The following NECTIN2 variants were observed in gnomAD, a reference collection of about 807,000 sequenced individuals.
NECTIN2 encodes the protein nectin cell adhesion molecule 2.
A neutral mutation model predicts 56.9 loss-of-function variants in NECTIN2; 23 were observed. That is an observed-to-expected ratio of 0.40 (90% CI 0.29 to 0.57). The LOEUF (loss-of-function observed/expected upper bound fraction) is 0.57, where lower values mean the gene tolerates loss of function less well. Ranked by LOEUF, NECTIN2 falls within the 20% of genes least tolerant of loss-of-function variation. The pLI, the probability that NECTIN2 is intolerant of heterozygous loss-of-function variation, is 0.38. For missense variants in NECTIN2, 587 were observed against 718.3 expected (o/e 0.82, Z 2.09); for synonymous variants, 302 against 313.8 (o/e 0.96, Z 0.40).
chr19:44,878,555 C>T, intron 5 of NECTIN2: 1 of 1,613,890 alleles, frequency 6.2e-7, no homozygotes, highest in Non-Finnish European at 8.5e-7. Context: ...ACCCCCAGCA[C>T]TCGAGGATGA....
Position 44,846,503 on chromosome 19 carries a change from C to T in NECTIN2, c.-23C>T. ...AGTGGCCCGCGGGCCTCCGGCCGGG[C>T]CCAGTCCCCTCCCGGGCCCTCCATG... is the stretch of plus-strand genomic sequence containing the variant. On this transcript the variant is annotated 5_prime_UTR_variant, in exon 1 of 9. Transcript: ENST00000252483. 1.4e-6 allele frequency: 2 copies of T among 1,477,822 alleles called. No individual in the cohort carries two copies. The highest frequency in any genetic ancestry group is 1.8e-6 in the Non-Finnish European group (2 of 1,122,812). The allele number at this position is 1,477,822 out of a possible 1,614,324, so 91.5% of individuals were successfully genotyped here. A position where few individuals can be genotyped will look rare whatever the true frequency, so the allele number is the denominator to read the frequency against.
chr19:44,874,084 G>T lies in NECTIN2; in HGVS notation c.893+51G>T, dbSNP rs767511258. 2.7e-6 allele frequency: 4 copies of T among 1,462,692 alleles called. No homozygotes were observed. The highest frequency in any genetic ancestry group is 2.8e-6 in the Non-Finnish European group (3 of 1,055,046). The allele number at this position is 1,462,692 out of a possible 1,614,324, so 90.6% of individuals were successfully genotyped here. A position where few individuals can be genotyped will look rare whatever the true frequency, so the allele number is the denominator to read the frequency against. On this transcript the variant is annotated intron_variant, in intron 4 of 8. Transcript: ENST00000252483. This position sits in a 1 kb window ranked among gnomAD's most constrained non-coding sequence, Gnocchi z 6.3. ...GGGTCTGAGGGAGGCGGGGCTGGGG[G>T]CCTGGACTCCTGGATCTAAGGGAGG...
intron 2 of NECTIN2, among the ~76,000 whole-genome samples, chr19:44,869,592 C>CAAAAAAA (rs774822564): frequency 1.9e-4 from 10 of 53,738 alleles, no homozygotes; most frequent in East Asian, 7.2e-4. Context: ...GACTCCATCT[C>CAAAAAAA]AAAAAAAAAA....
chr19:44,881,709 G>C (rs943528309), intron 5 of NECTIN2, among the ~76,000 whole-genome samples: 1 of 152,044 alleles, frequency 6.6e-6, no homozygotes, highest in African/African-American at 2.4e-5. Context: ...AGCCCCACAA[G>C]CCTCCTGCAG....
intron 5 of NECTIN2, among the ~76,000 whole-genome samples, chr19:44,877,715 C>A (rs1969255937): frequency 2.0e-5 from 3 of 152,202 alleles, no homozygotes. Flanking sequence ...TTTGTGAGGA[C>A]CCCACAGCAC....
chr19:44,868,321 A>G (rs572269099), intron 2 of NECTIN2, among the ~76,000 whole-genome samples: 3 of 146,832 alleles, frequency 2.0e-5, no homozygotes, highest in Non-Finnish European at 4.5e-5. Flanking sequence ...CCAAGATTGC[A>G]CCACTGCACT....
At chr19:44,860,631 T>C (rs1244888933) in intron 1 of NECTIN2, among the ~76,000 whole-genome samples, 2 of 151,738 alleles carry the variant, frequency 1.3e-5, no homozygotes, top group Non-Finnish European at 2.9e-5. Context: ...ATATATATTG[T>C]TTTTTCTTTT....
intron 7 of NECTIN2, 52 bp downstream of exon 7, chr19:44,886,052 G>C (rs576576293): frequency 3.8e-6 from 6 of 1,570,072 alleles, no homozygotes; most frequent in Non-Finnish European, 4.4e-6. Context: ...ACCCACCCCA[G>C]GGCTGGGAGG....
At chr19:44,883,061 G>A (rs985302651) in intron 6 of NECTIN2, among the ~76,000 whole-genome samples, 19 of 152,032 alleles carry the variant, frequency 1.2e-4, no homozygotes, top group Admixed American at 6.6e-5. Flanking sequence ...GATTACAGGC[G>A]TGAGCCACCA....
At position 44,875,323 on chromosome 19, in the gene NECTIN2, T is replaced by G. The variant is rs186890667; in HGVS notation, c.1042+845T>G. Among the ~76,000 whole-genome samples, 742 of 151,590 alleles carry G rather than the reference T, an allele frequency of 4.9e-3. 4 individuals carry two copies. Among genetic ancestry groups the G allele is most frequent in the Non-Finnish European group, 7.4e-3 (506 of 67,932 alleles). Reference sequence around the variant, plus strand: ...CTCTGTCGCCCAGGCTGAAGTGTAGTGGCGCAATCTCAGCTCACCGCAACC... The same window carrying G: ...CTCTGTCGCCCAGGCTGAAGTGTAGGGGCGCAATCTCAGCTCACCGCAACC... On this transcript the variant is annotated intron_variant, in intron 5 of 8. Coordinates refer to ENST00000252483, the MANE Select transcript of NECTIN2 (RefSeq NM_001042724.2). This position sits in a 1 kb window ranked among gnomAD's most constrained non-coding sequence, Gnocchi z 4.2.
intron 2 of NECTIN2, among the ~76,000 whole-genome samples, chr19:44,867,936 G>C (rs573350311): frequency 5.9e-5 from 9 of 152,110 alleles, no homozygotes; most frequent in Non-Finnish European, 1.2e-4. Context: ...TGGGACGAGA[G>C]GGGAGAAGAG....
intron 1 of NECTIN2, among the ~76,000 whole-genome samples, chr19:44,847,831 T>G (rs558460660): frequency 6.6e-6 from 1 of 152,016 alleles, no homozygotes; most frequent in African/African-American, 2.4e-5. Flanking sequence ...GGTGGACGAG[T>G]GGAGCCGCCG....
chr19:44,850,539 G>A (rs1445699010), intron 1 of NECTIN2, among the ~76,000 whole-genome samples: 1 of 152,034 alleles, frequency 6.6e-6, no homozygotes, highest in African/African-American at 2.4e-5. Context: ...CAGCTACTTG[G>A]AAGGCTGAAG....
At chr19:44,853,204 AT>A (rs894776110) in intron 1 of NECTIN2, among the ~76,000 whole-genome samples, 24 of 149,750 alleles carry the variant, frequency 1.6e-4, no homozygotes, top group African/African-American at 5.4e-4. Flanking sequence ...CAGCAATGGG[AT>A]TTTTTTTTTC....
At chr19:44,876,944 G>A (rs1969245881) in intron 5 of NECTIN2, among the ~76,000 whole-genome samples, 1 of 151,970 alleles carries the variant, frequency 6.6e-6, no homozygotes, top group African/African-American at 2.4e-5. Flanking sequence ...AAACACCAAT[G>A]CCACCTCCAG....
In NECTIN2 at chr19:44,874,508, G is replaced by A; in HGVS notation, c.1042+30G>A. 1 of 1,609,742 alleles carries A rather than the reference G, an allele frequency of 6.2e-7. No individual in the cohort carries two copies. The highest frequency in any genetic ancestry group is 1.7e-5 in the Admixed American group (1 of 60,020). ...GTGGGTCTTGGGGGCCGTGTGTGGA[G>A]ACCTGGGTCCGCTCCCCTGGAGTTC... On this transcript the variant is annotated intron_variant, in intron 5 of 8. Transcript: ENST00000252483. This position sits in a 1 kb window ranked among gnomAD's most constrained non-coding sequence, Gnocchi z 6.3.
At chr19:44,867,571 C>T (rs1235551930) in intron 2 of NECTIN2, among the ~76,000 whole-genome samples, 2 of 152,160 alleles carry the variant, frequency 1.3e-5, no homozygotes, top group Admixed American at 6.6e-5. Context: ...ATAGGATGTG[C>T]AGGGAAGGCG....
At chr19:44,878,443 C>A in intron 5 of NECTIN2, 2 of 1,597,688 alleles carry the variant, frequency 1.3e-6, no homozygotes, top group Non-Finnish European at 1.7e-6. Context: ...GGGACCCCGT[C>A]TTCTGGACAC....
chr19:44,862,347 A>G (rs12980613), intron 1 of NECTIN2, among the ~76,000 whole-genome samples: 49,520 of 150,232 alleles, frequency 0.33, 9,059 homozygotes, highest in Non-Finnish European at 0.39. Context: ...CCCAGGAGGC[A>G]GAGCTTGCAG....
Sources: gnomAD v4.1 joint callset for allele counts (sites outside exome capture counted in the v4.1 genomes callset) on GRCh38, gnomAD v4.1.1 for gene constraint, Gnocchi (gnomAD v3.1) non-coding constraint, MANE v1.5 for transcripts, NCBI Gene and HGNC (gene_info 2026-07-23, HGNC 2026-07-21) for gene names.